AP4E1: variants seen among roughly 807,000 people sequenced by gnomAD.
AP4E1 encodes AP-4 complex subunit epsilon-1.
In AP4E1, 56 loss-of-function variants were observed where a neutral mutation model predicts 128.2. The observed-to-expected ratio is 0.44, with a 90% CI of 0.35 to 0.55. The LOEUF is 0.55. Ranked by LOEUF, AP4E1 falls within the 20% of genes least tolerant of loss-of-function variation. The pLI is 0.00. For missense variants in AP4E1, 1,324 were observed against 1,307.7 expected (o/e 1.01, Z -0.19); for synonymous variants, 484 against 473.1 (o/e 1.02, Z -0.30).
chr15:50,990,341 T>C (rs2064787569), intron 16 of AP4E1, among the ~76,000 whole-genome samples: 1 of 97,086 alleles, frequency 1.0e-5, no homozygotes, highest in Non-Finnish European at 2.3e-5. Context: ...ATTATTTATT[T>C]AATTTATTAT....
intron 17 of AP4E1, among the ~76,000 whole-genome samples, chr15:50,994,446 A>AT (rs1298376746): frequency 6.6e-6 from 1 of 152,194 alleles, no homozygotes; most frequent in East Asian, 1.9e-4. Flanking sequence ...ACCAGGCCAG[A>AT]TGGTATACCA....
upstream of AP4E1, among the ~76,000 whole-genome samples, chr15:50,908,165 G>A (rs2063515336): frequency 2.6e-5 from 4 of 152,318 alleles, no homozygotes; most frequent in South Asian, 8.3e-4. Flanking sequence ...TCCCCGGCAC[G>A]CGACGGGCTC....
chr15:50,914,349 C>T (rs1441435659), intron 2 of AP4E1, among the ~76,000 whole-genome samples: 1 of 152,114 alleles, frequency 6.6e-6, no homozygotes, highest in East Asian at 1.9e-4. Context: ...TTAATTTTGA[C>T]ATATTAAAAT....
intron 1 of AP4E1, 74 bp from the exon 2 acceptor site, chr15:50,912,004 T>C: frequency 8.8e-7 from 1 of 1,132,358 alleles, no homozygotes. Context: ...AAATTATATT[T>C]TTCCGTTTAG....
At chr15:50,961,122 C>G (rs1019754465) in intron 14 of AP4E1, among the ~76,000 whole-genome samples, 1 of 152,010 alleles carries the variant, frequency 6.6e-6, no homozygotes, top group African/African-American at 2.4e-5. Flanking sequence ...AATAGTAAGT[C>G]TCCCAACAGA....
At chr15:50,919,619 C>T in intron 3 of AP4E1, among the ~76,000 whole-genome samples, 1 of 151,768 alleles carries the variant, frequency 6.6e-6, no homozygotes, top group South Asian at 2.1e-4. Flanking sequence ...TTATATGTAT[C>T]ATTTTATAGT....
In AP4E1 at chr15:50,908,805, G is replaced by A. The variant is rs1164686579; in HGVS notation, c.27G>A (p.Leu9=). 1.3e-6 allele frequency: 2 copies of A among 1,599,720 alleles called. No individual in the cohort carries two copies. The highest frequency in any genetic ancestry group is 8.5e-7 in the Non-Finnish European group (1 of 1,174,570). Residue 9 remains leucine, a synonymous_variant, in exon 1 of 21, where the codon CTG becomes CTA. Transcript: ENST00000261842. MSDIVEKT[L]TALPGLFLQN... ...TGAGCGACATAGTGGAGAAGACGCTGACGGCGCTGCCGGGACTCTTTCTGC... is the reference window on the plus strand; with the variant it reads ...TGAGCGACATAGTGGAGAAGACGCTAACGGCGCTGCCGGGACTCTTTCTGC...
At chr15:50,990,789 A>T (rs748269344) in intron 16 of AP4E1, among the ~76,000 whole-genome samples, 7 of 152,198 alleles carry the variant, frequency 4.6e-5, no homozygotes, top group Admixed American at 3.9e-4. Context: ...AAAAATCTTT[A>T]AAATAGTTTG....
At chr15:50,998,713 G>A (rs529908042) in intron 18 of AP4E1, among the ~76,000 whole-genome samples, 5 of 152,150 alleles carry the variant, frequency 3.3e-5, no homozygotes, top group Non-Finnish European at 5.9e-5. Flanking sequence ...AAGCTTGAGG[G>A]TAGAGAATGA....
intron 5 of AP4E1, among the ~76,000 whole-genome samples, chr15:50,928,250 A>G (rs1310686393): frequency 2.6e-5 from 4 of 152,064 alleles, no homozygotes; most frequent in Non-Finnish European, 5.9e-5. Context: ...ATAGAAAGCT[A>G]CTATTTTAGG....
At position 51,001,166 on chromosome 15, in the gene AP4E1, A is replaced by G. The variant is rs759205203; in HGVS notation, c.3236A>G (p.His1079Arg). The part of the protein sequence containing the change: ...LKTLQQKLRL[H>R]IIEIIGNEGL... Reference sequence around the variant, plus strand: ...ACTCTGCAACAGAAACTAAGACTCCATATTATTGAGATTATAGGTTTGTAG... The same window carrying G: ...ACTCTGCAACAGAAACTAAGACTCCGTATTATTGAGATTATAGGTTTGTAG... Residue 1079 changes from histidine (H) to arginine (R), a missense_variant, in exon 20 of 21, where the codon CAT becomes CGT. Coordinates refer to ENST00000261842, the MANE Select transcript of AP4E1 (RefSeq NM_007347.5). 1 of 1,613,502 alleles carries G rather than the reference A, an allele frequency of 6.2e-7. No homozygotes were observed. Among genetic ancestry groups the G allele is most frequent in the South Asian group, 1.1e-5 (1 of 91,010 alleles).
At chr15:50,965,068 C>G (rs1323427644) in intron 14 of AP4E1, among the ~76,000 whole-genome samples, 2 of 151,848 alleles carry the variant, frequency 1.3e-5, no homozygotes, top group Non-Finnish European at 2.9e-5. Context: ...TAAGTAAAAG[C>G]TTCTGAGGCC....
At chr15:50,929,766 G>T (rs1231260988) in intron 6 of AP4E1, among the ~76,000 whole-genome samples, 1 of 151,838 alleles carries the variant, frequency 6.6e-6, no homozygotes, top group Non-Finnish European at 1.5e-5. Flanking sequence ...AAGTTATATT[G>T]TTTTTTATGT....
intron 15 of AP4E1, among the ~76,000 whole-genome samples, chr15:50,980,307 G>A (rs1423703519): frequency 6.6e-6 from 1 of 152,156 alleles, no homozygotes; most frequent in African/African-American, 2.4e-5. Context: ...ATGCCTGAGG[G>A]CTTTATGGAA....
At chr15:50,999,808 C>G (rs1015681433) in intron 19 of AP4E1, among the ~76,000 whole-genome samples, 1 of 151,456 alleles carries the variant, frequency 6.6e-6, no homozygotes, top group Non-Finnish European at 1.5e-5. Context: ...CCCATTAACT[C>G]GTCATTTGGC....
At chr15:50,990,344 TTTATTATTATTA>T (rs67379169) in intron 16 of AP4E1, among the ~76,000 whole-genome samples, 1 of 141,102 alleles carries the variant, frequency 7.1e-6, no homozygotes, top group African/African-American at 2.6e-5. Flanking sequence ...ATTTATTTAA[TTTATTATTATTA>T]TTATTATTAT....
At position 51,004,728 on chromosome 15, in the gene AP4E1, T is replaced by C. The variant is rs2140943697; in HGVS notation, c.*2066T>C. 6.5e-6 allele frequency: 1 copy of C among 152,780 alleles called. No homozygotes were observed. The highest frequency in any genetic ancestry group is 1.5e-5 in the Non-Finnish European group (1 of 68,040). The allele number at this position is 152,780 out of a possible 1,614,324, so 9.5% of individuals were successfully genotyped here. Reference sequence around the variant, plus strand: ...TATTAGAAAGTTTACACTTTTTATATTTTTATGATTTTAAAAACAAACAAT... The same window carrying C: ...TATTAGAAAGTTTACACTTTTTATACTTTTATGATTTTAAAAACAAACAAT... On this transcript the variant is annotated 3_prime_UTR_variant, in exon 21 of 21. Coordinates refer to ENST00000261842, the MANE Select transcript of AP4E1 (RefSeq NM_007347.5).
chr15:50,928,982 T>G (rs761796190), intron 5 of AP4E1, 27 bp from the exon 6 acceptor site: 25 of 1,611,752 alleles, frequency 1.6e-5, no homozygotes, highest in Non-Finnish European at 2.1e-5. Flanking sequence ...CAGATTGTCT[T>G]GTTTAAATTT....
At chr15:50,931,005 C>G (rs773257187) in intron 7 of AP4E1, 34 bp downstream of exon 7, 8 of 1,610,954 alleles carry the variant, frequency 5.0e-6, no homozygotes, top group Non-Finnish European at 6.8e-6. Context: ...CTTAATGACC[C>G]CCATACCAGA....
Sources: allele counts gnomAD v4.1 joint callset (sites outside exome capture counted in the v4.1 genomes callset), GRCh38; gene constraint gnomAD v4.1.1; transcripts MANE v1.5; gene names NCBI Gene and HGNC (gene_info 2026-07-23, HGNC 2026-07-21).